PATJ: variants seen among roughly 807,000 people sequenced by gnomAD.
PATJ encodes inaD-like protein.
In PATJ, 190 loss-of-function variants were observed where a neutral mutation model predicts 224.9. That is an observed-to-expected ratio of 0.84 (90% CI 0.75 to 0.95). The LOEUF is 0.95. Ranked by LOEUF, PATJ falls within the 40% of genes least tolerant of loss-of-function variation. The pLI is 0.00. For synonymous variants in PATJ, 769 were observed against 820.3 expected (o/e 0.94, Z 1.07); for missense variants, 2,121 against 2,270.3 (o/e 0.93, Z 1.34).
chr1:61,793,903 AT>A lies in PATJ; in HGVS notation c.1169-1548del, dbSNP rs35202164. Reference sequence around the variant, plus strand: ...GATTTATGTTTATTTTTCTTCTACAATTTTTTTTTTTTTTTTGAGACAGAAT... The same window carrying A: ...GATTTATGTTTATTTTTCTTCTACAATTTTTTTTTTTTTTTGAGACAGAAT... On this transcript the variant is annotated intron_variant, in intron 9 of 43. Transcript: ENST00000642238. Among the ~76,000 whole-genome samples, 486 of 137,042 alleles carry A rather than the reference AT, an allele frequency of 3.5e-3. 1 individual carries two copies. The highest frequency in any genetic ancestry group is 0.015 in the Middle Eastern group (4 of 266). The allele number at this position is 137,042 out of a possible 152,430, so 89.9% of individuals were successfully genotyped here. A position where few individuals can be genotyped will look rare whatever the true frequency, so the allele number is the denominator to read the frequency against.
At chr1:62,148,840 C>G (rs1317113343) in intron 42 of PATJ, among the ~76,000 whole-genome samples, 1 of 152,010 alleles carries the variant, frequency 6.6e-6, no homozygotes, top group Non-Finnish European at 1.5e-5. Context: ...TAAGAGTAAT[C>G]TAAGGGCCGG....
intron 13 of PATJ, among the ~76,000 whole-genome samples, chr1:61,805,966 A>G (rs189294995): frequency 2.0e-3 from 301 of 152,356 alleles, no homozygotes; most frequent in Non-Finnish European, 3.1e-3. Context: ...TATGTGAAAA[A>G]TGAAAGAATG....
intron 39 of PATJ, among the ~76,000 whole-genome samples, chr1:62,125,968 G>A (rs2365986): frequency 0.016 from 2,458 of 152,112 alleles, 69 homozygotes; most frequent in African/African-American, 0.056. Flanking sequence ...ACAGGGTTTC[G>A]CCATGCTGGC....
At chr1:61,964,424 A>T (rs993831832) in intron 27 of PATJ, among the ~76,000 whole-genome samples, 1 of 152,194 alleles carries the variant, frequency 6.6e-6, no homozygotes, top group Admixed American at 6.5e-5. Flanking sequence ...ACTATTCTTA[A>T]AATAGCCAGT....
At chr1:61,825,869 G>C (rs3790574) in intron 15 of PATJ, among the ~76,000 whole-genome samples, 6 of 152,080 alleles carry the variant, frequency 3.9e-5, no homozygotes, top group African/African-American at 1.4e-4. Context: ...TTCTATCTCC[G>C]TGCCTTTTTT....
chr1:62,017,854 A>C lies in PATJ; in HGVS notation c.3868-2A>C. 6.3e-7 allele frequency: 1 copy of C among 1,581,200 alleles called. No homozygotes were observed. The highest frequency in any genetic ancestry group is 8.7e-7 in the Non-Finnish European group (1 of 1,150,512). On this transcript the variant is annotated splice_acceptor_variant, in intron 28 of 43. Coordinates refer to ENST00000642238, the MANE Select transcript of PATJ (RefSeq NM_001350145.3). LOFTEE classifies it high-confidence loss of function. ...TAGTACATTGTGGTTTTTCCCAAAC[A>C]GATAAACAATCAGATTCTGTATGGA...
Position 61,801,628 on chromosome 1 carries a change from G to A in PATJ, c.1408G>A (p.Val470Ile). The A allele has an allele frequency of 3.2e-6, 5 of 1,566,108 alleles. No individual in the cohort carries two copies. The highest frequency in any genetic ancestry group is 1.2e-5 in the South Asian group (1 of 82,838). The change falls in exon 12 of 44, where the codon GTT becomes ATT. Residue 470 changes from valine (V) to isoleucine (I), a missense_variant. Coordinates refer to ENST00000642238, the MANE Select transcript of PATJ (RefSeq NM_001350145.3). Reference sequence around the variant, plus strand: ...ATTATTTTTTTTTGTTTTAGGAACTGTTGTAGAACCACTGAAACCACCAGC... The same window carrying A: ...ATTATTTTTTTTTGTTTTAGGAACTATTGTAGAACCACTGAAACCACCAGC... ...PLEPPSDRGT[V>I]VEPLKPPALF...
At chr1:62,148,553 A>G (rs764022216) in intron 42 of PATJ, among the ~76,000 whole-genome samples, 163 bp downstream of exon 42, 36 of 152,196 alleles carry the variant, frequency 2.4e-4, no homozygotes, top group Non-Finnish European at 4.1e-4. Flanking sequence ...ATTCCACCAC[A>G]TGAGTTCTTG....
At chr1:61,803,376 A>G (rs1310648489) in intron 12 of PATJ, among the ~76,000 whole-genome samples, 2 of 152,224 alleles carry the variant, frequency 1.3e-5, no homozygotes, top group African/African-American at 4.8e-5. Context: ...TGTTAGTAAT[A>G]GAAACAATGA....
Position 61,884,304 on chromosome 1 carries a change from G to C in PATJ, c.3027G>C (p.Arg1009Ser). 1 of 1,613,614 alleles carries C rather than the reference G, an allele frequency of 6.2e-7. No homozygotes were observed. Among genetic ancestry groups the C allele is most frequent in the East Asian group, 2.2e-5 (1 of 44,862 alleles). The change falls in exon 22 of 44, where the codon AGG becomes AGC. Residue 1009 changes from arginine to serine, a missense_variant. Arg to Ser is a moderately radical substitution (Grantham distance 110, BLOSUM62 -1). Coordinates refer to ENST00000642238, the MANE Select transcript of PATJ (RefSeq NM_001350145.3). ...ACCTTCCTGTTGTGGCTCAAAGGAG[G>C]GAGCAAGAAGATTTGCCTTTATATC... The part of the protein sequence containing the change: ...LIDLPVVAQR[R>S]EQEDLPLYQH...
chr1:61,849,304 A>G (rs1400823189), intron 17 of PATJ, among the ~76,000 whole-genome samples: 3 of 152,180 alleles, frequency 2.0e-5, no homozygotes, highest in African/African-American at 7.2e-5. Context: ...CATTAAGACT[A>G]TATAAATTAG....
rs141041942 is a variant in PATJ at position 61,953,248 on chromosome 1, A to C, written c.3670+25419A>C. On this transcript the variant is annotated intron_variant, in intron 27 of 43. Coordinates refer to ENST00000642238, the MANE Select transcript of PATJ (RefSeq NM_001350145.3). The stretch of plus-strand genomic sequence containing the variant: ...TGAGACATAATAGGGGTATTCTTGC[A>C]TAAGTATTATTGCCTAAGGGAGGCA... Among the ~76,000 whole-genome samples, 256 of 152,368 alleles carry C rather than the reference A, an allele frequency of 1.7e-3. 1 individual carries two copies. The highest frequency in any genetic ancestry group is 6.8e-3 in the Middle Eastern group (2 of 294).
chr1:61,777,159 G>A (rs920154920), intron 7 of PATJ, among the ~76,000 whole-genome samples: 1 of 152,166 alleles, frequency 6.6e-6, no homozygotes, highest in Non-Finnish European at 1.5e-5. Context: ...TTATTTCAAG[G>A]AAAACAACTG....
chr1:61,773,922 C>T (rs1646766168), intron 6 of PATJ, among the ~76,000 whole-genome samples: 2 of 152,002 alleles, frequency 1.3e-5, no homozygotes, highest in South Asian at 4.1e-4. Flanking sequence ...AGATCGAGAT[C>T]ATCCTGGCTA....
intron 32 of PATJ, among the ~76,000 whole-genome samples, chr1:62,080,592 A>G (rs1363377076): frequency 1.3e-5 from 2 of 152,142 alleles, no homozygotes; most frequent in Non-Finnish European, 2.9e-5. Context: ...TCGGCCTCCA[A>G]AAGTGCTGGG....
At chr1:61,866,288 G>A (rs1348838111) in intron 20 of PATJ, among the ~76,000 whole-genome samples, 1 of 152,162 alleles carries the variant, frequency 6.6e-6, no homozygotes, top group Non-Finnish European at 1.5e-5. Flanking sequence ...TGAAATACCA[G>A]TTCATATATA....
chr1:61,775,783 T>C (rs1193406801), intron 7 of PATJ, among the ~76,000 whole-genome samples: 1 of 152,222 alleles, frequency 6.6e-6, no homozygotes, highest in Admixed American at 6.5e-5. Context: ...CTACCTTTCA[T>C]TGTTTAGCAG....
chr1:61,789,875 C>T (rs999343806), intron 8 of PATJ, among the ~76,000 whole-genome samples: 1 of 151,978 alleles, frequency 6.6e-6, no homozygotes, highest in Non-Finnish European at 1.5e-5. Flanking sequence ...ACTCTAGTTC[C>T]CTGGAGCCTT....
rs114651538 is a variant in PATJ at position 61,765,894 on chromosome 1, A to G, written c.190-385A>G. Among the ~76,000 whole-genome samples the G allele has an allele frequency of 3.7e-3, 560 of 152,340 alleles. 2 individuals carry two copies. The highest frequency in any genetic ancestry group is 0.013 in the African/African-American group (537 of 41,584). ...CAATAAGTACAGTTATTATCATTAT[A>G]TACTACCTGTGGATCTTTTGTTGCT... On this transcript the variant is annotated intron_variant, in intron 3 of 43. Coordinates refer to ENST00000642238, the MANE Select transcript of PATJ (RefSeq NM_001350145.3).
Sources: allele counts gnomAD v4.1 joint callset (sites outside exome capture counted in the v4.1 genomes callset), GRCh38; gene constraint gnomAD v4.1.1; transcripts MANE v1.5; gene names NCBI Gene and HGNC (gene_info 2026-07-23, HGNC 2026-07-21).